C14orf39: variants seen among roughly 807,000 people sequenced by gnomAD.
C14orf39 encodes the protein chromosome 14 open reading frame 39.
A neutral mutation model predicts 85.6 loss-of-function variants in C14orf39; 66 were observed. The observed-to-expected ratio is 0.77, with a 90% CI of 0.63 to 0.95. The LOEUF (loss-of-function observed/expected upper bound fraction) is 0.95. C14orf39 is among the 40% of genes least tolerant of loss of function. C14orf39 has a pLI of 0.00. For missense variants in C14orf39, 735 were observed against 663.9 expected, an observed-to-expected ratio of 1.11 and a Z score of -1.18; for synonymous variants, 242 against 214.0, an observed-to-expected ratio of 1.13 and a Z score of -1.14.
intron 1 of C14orf39, chr14:60,511,296 C>A (rs765196097): frequency 5.6e-6 from 9 of 1,599,718 alleles, no homozygotes; most frequent in Non-Finnish European, 7.7e-6. Flanking sequence ...AGTGTAAAAA[C>A]GAGAAAAACA....
At chr14:60,466,093 G>C (rs374412172) in intron 10 of C14orf39, 38 bp from the exon 11 acceptor site, 3 of 1,015,128 alleles carry the variant, frequency 3.0e-6, no homozygotes, top group African/African-American at 3.3e-5. Flanking sequence ...ATCAATGCTG[G>C]AAACAGAATC....
chr14:60,445,941 A>G lies in C14orf39; in HGVS notation c.1504-3810T>C, dbSNP rs553684649. Among the ~76,000 whole-genome samples the G allele has an allele frequency of 3.9e-5, 6 of 152,338 alleles. No individual in the cohort carries two copies. The East Asian group carries it at 1.2e-3, about 29-fold the overall frequency. ...ACCCCCACAACTACATGGAAACTGA[A>G]CAACATGCTCCTGAATGACTACTGG... On this transcript the variant is annotated intron_variant, in intron 16 of 17. Transcript: ENST00000321731.
chr14:60,492,984 T>G (rs984740586), intron 2 of C14orf39, among the ~76,000 whole-genome samples: 2 of 152,080 alleles, frequency 1.3e-5, no homozygotes, highest in African/African-American at 4.8e-5. Flanking sequence ...GAGTTTTATC[T>G]CTAGAAAAAA....
intron 15 of C14orf39, among the ~76,000 whole-genome samples, chr14:60,455,349 T>C (rs969992410): frequency 1.3e-5 from 2 of 152,070 alleles, no homozygotes; most frequent in African/African-American, 4.8e-5. Flanking sequence ...CATAACTTAC[T>C]TATTCTTCAC....
intron 5 of C14orf39, among the ~76,000 whole-genome samples, chr14:60,476,953 C>T (rs930405739): frequency 4.6e-5 from 7 of 152,134 alleles, no homozygotes; most frequent in African/African-American, 1.4e-4. Context: ...TAATTCGTGC[C>T]TATATCTAAC....
At chr14:60,451,776 T>C (rs763194297) in intron 16 of C14orf39, among the ~76,000 whole-genome samples, 23 of 151,980 alleles carry the variant, frequency 1.5e-4, no homozygotes, top group Admixed American at 4.6e-4. Context: ...ACATGGCAAA[T>C]GTATACATAC....
chr14:60,463,324 T>A (rs1891614899), intron 11 of C14orf39, among the ~76,000 whole-genome samples: 1 of 152,160 alleles, frequency 6.6e-6, no homozygotes, highest in Non-Finnish European at 1.5e-5. Flanking sequence ...TTATATAGTA[T>A]ACATTGTGGA....
At chr14:60,441,542 T>C (rs1325042838) in intron 17 of C14orf39, among the ~76,000 whole-genome samples, 3 of 152,234 alleles carry the variant, frequency 2.0e-5, no homozygotes, top group East Asian at 3.8e-4. Context: ...AAATTATACA[T>C]TGATTTATTT....
At chr14:60,454,263 G>A (rs1443503440) in intron 16 of C14orf39, among the ~76,000 whole-genome samples, 2 of 151,826 alleles carry the variant, frequency 1.3e-5, no homozygotes, top group African/African-American at 4.8e-5. Context: ...ACTTAAATGA[G>A]CAATAACAAT....
At chr14:60,485,540 C>T (rs970856238) in intron 1 of C14orf39, among the ~76,000 whole-genome samples, 3 of 152,184 alleles carry the variant, frequency 2.0e-5, no homozygotes, top group African/African-American at 7.2e-5. Flanking sequence ...AGAAACAGTG[C>T]GATTTCGCAT....
chr14:60,492,988 G>GA (rs1378052833), intron 2 of C14orf39, among the ~76,000 whole-genome samples: 2 of 151,734 alleles, frequency 1.3e-5, no homozygotes, highest in South Asian at 2.1e-4. Flanking sequence ...TTTATCTCTA[G>GA]AAAAAAAACT....
intron 16 of C14orf39, among the ~76,000 whole-genome samples, chr14:60,444,267 G>A (rs1890658531): frequency 6.6e-6 from 1 of 152,110 alleles, no homozygotes; most frequent in South Asian, 2.1e-4. Context: ...AAAGGAGCAT[G>A]TTCTAACCCA....
At chr14:60,509,133 A>G in intron 1 of C14orf39, 1 of 514,868 alleles carries the variant, frequency 1.9e-6, no homozygotes, top group Non-Finnish European at 3.5e-6. Flanking sequence ...CGCGCCGCCA[A>G]TCCGCCCACC....
chr14:60,442,094 A>T lies in C14orf39; in HGVS notation c.1541T>A (p.Leu514Gln). ...CTTACCAATCTCTTGCTCTGATGAC[A>T]GAGGATTTAGATTTCTTGCAGAATA... ...EHYSARNLNP[L>Q]SSEQEIGNLL... The change falls in exon 17 of 18, where the codon CTG becomes CAG. Residue 514 changes from leucine (L) to glutamine (Q), a missense_variant. Leu to Gln is a moderately radical substitution (Grantham distance 113). Coordinates refer to ENST00000321731, the MANE Select transcript of C14orf39 (RefSeq NM_174978.3). 6.2e-7 allele frequency: 1 copy of T among 1,610,362 alleles called. No individual in the cohort carries two copies. The highest frequency in any genetic ancestry group is 8.5e-7 in the Non-Finnish European group (1 of 1,177,366).
chr14:60,455,287 C>T (rs1951114), intron 15 of C14orf39, 142 bp from the exon 16 acceptor site: 23 of 547,212 alleles, frequency 4.2e-5, no homozygotes, highest in African/African-American at 2.8e-4. Context: ...ACAATCCTAT[C>T]GAGAAAGGAT....
chr14:60,503,129 G>C (rs1010834160), intron 1 of C14orf39, among the ~76,000 whole-genome samples: 2 of 152,142 alleles, frequency 1.3e-5, no homozygotes, highest in Admixed American at 6.5e-5. Context: ...TTCCTTAGAG[G>C]CTGCATTCAG....
intron 1 of C14orf39, among the ~76,000 whole-genome samples, chr14:60,504,281 G>A (rs1378368576): frequency 6.6e-6 from 1 of 152,228 alleles, no homozygotes; most frequent in Non-Finnish European, 1.5e-5. Context: ...GAAGGCTGAT[G>A]CCTCTATTTG....
Position 60,461,582 on chromosome 14 carries a change from G to A in C14orf39, c.984C>T (p.Asp328=), listed in dbSNP as rs200818284. The A allele has an allele frequency of 3.4e-5, 53 of 1,550,534 alleles. No homozygotes were observed. The Admixed American group carries it at 9.2e-4, about 27-fold the overall frequency. The change falls in exon 12 of 18, where the codon GAC becomes GAT. Residue 328 remains aspartate (D), a synonymous_variant. Coordinates refer to ENST00000321731, the MANE Select transcript of C14orf39 (RefSeq NM_174978.3). ...ATTTTGAATGGTTATCCACAGCAGA[G>A]TCATTAAATATCTGAAAGAAAGAAA... is the stretch of plus-strand genomic sequence containing the variant. ...QKENDTQIFN[D]SAVDNHSKCS...
chr14:60,511,100 C>T (rs1439271130), intron 1 of C14orf39: 1 of 1,612,726 alleles, frequency 6.2e-7, no homozygotes, highest in Non-Finnish European at 8.5e-7. Context: ...GCAGCAGGTC[C>T]TGTCACAGGG....
Sources: gnomAD v4.1 joint callset for allele counts (sites outside exome capture counted in the v4.1 genomes callset) on GRCh38, gnomAD v4.1.1 for gene constraint, MANE v1.5 for transcripts, NCBI Gene and HGNC (gene_info 2026-07-23, HGNC 2026-07-21) for gene names.